PTPRN: variants seen among roughly 807,000 people sequenced by gnomAD.
PTPRN encodes protein tyrosine phosphatase receptor type N.
PTPRN carries 70 observed loss-of-function variants against 108.5 expected under a neutral mutation model. The observed-to-expected ratio is 0.65, with a 90% CI of 0.53 to 0.79. The LOEUF (loss-of-function observed/expected upper bound fraction) is 0.79. Ranked by LOEUF, PTPRN falls within the 30% of genes least tolerant of loss-of-function variation. The pLI, the probability that PTPRN is intolerant of heterozygous loss-of-function variation, is 0.00. For missense variants in PTPRN, 1,136 were observed against 1,295.5 expected, an observed-to-expected ratio of 0.88 and a Z score of 1.89; for synonymous variants, 496 against 524.6, an observed-to-expected ratio of 0.95 and a Z score of 0.75.
intron 4 of PTPRN, 25 bp from the exon 5 acceptor site, chr2:219,302,862 T>G: frequency 6.3e-7 from 1 of 1,599,964 alleles, no homozygotes; most frequent in South Asian, 1.1e-5. Flanking sequence ...AAAGTGTGTG[T>G]GTTGGAGCGG....
Position 219,297,441 on chromosome 2 carries a change from G to A in PTPRN, c.1888-8C>T, listed in dbSNP as rs751029948. ...GTGCTGGCGGCACAGGTCCTGTGGA[G>A]GAAGAATCAGGTGAGGTCCAAGAGT... On this transcript the variant is annotated splice_polypyrimidine_tract_variant and splice_region_variant and intron_variant, in intron 13 of 22. Coordinates refer to ENST00000295718, the MANE Select transcript of PTPRN (RefSeq NM_002846.4). The surrounding 1 kb of genome is among the most constrained non-coding windows in gnomAD (Gnocchi z 6.0). 2 of 1,613,776 alleles carry A rather than the reference G, an allele frequency of 1.2e-6. No homozygotes were observed. Among genetic ancestry groups the A allele is most frequent in the South Asian group, 1.1e-5 (1 of 91,086 alleles).
chr2:219,297,910 T>A lies in PTPRN; in HGVS notation c.1862A>T (p.His621Leu), dbSNP rs1232972212. 5 of 1,611,466 alleles carry A rather than the reference T, an allele frequency of 3.1e-6. No homozygotes were observed. Among genetic ancestry groups the A allele is most frequent in the Non-Finnish European group, 4.2e-6 (5 of 1,179,578 alleles). ...CTGGTACTCAAAGGTAGTGTCACCA[T>A]GGGCCCCCTCAGGCCCCAGGGCTGC... ...RLAALGPEGA[H>L]GDTTFEYQDL... is the part of the protein sequence containing the mutation. The change falls in exon 13 of 23, where the codon CAT becomes CTT. Residue 621 changes from histidine to leucine, a missense_variant. By Grantham distance (99) the His-to-Leu change is moderately conservative (BLOSUM62 -3). Transcript: ENST00000295718. The surrounding 1 kb of genome is among the most constrained non-coding windows in gnomAD (Gnocchi z 6.0).
rs556595255 is a variant in PTPRN, at chr2:219,292,765, C to G, written c.2676-1242G>C. 2.0e-5 allele frequency: 3 copies of G among 152,256 alleles called. No homozygotes were observed. In the South Asian group the frequency reaches 6.2e-4, roughly 32 times the overall value. 9.4% of individuals were successfully genotyped at this position (152,256 alleles called of 1,614,324 possible). ...TGTCAGTCTATGGCCTGTTGGGAAC[C>G]GAGCCGCATAGCAGGAGGCAAGCGA... On this transcript the variant is annotated intron_variant, in intron 19 of 22. Transcript: ENST00000295718.
intron 18 of PTPRN, chr2:219,295,899 C>A (rs534340068): frequency 5.1e-5 from 13 of 255,628 alleles, no homozygotes; most frequent in Non-Finnish European, 9.8e-5. Context: ...CTTCTTACCT[C>A]GGTTTTGGTG....
At position 219,297,862 on chromosome 2, in the gene PTPRN, A is replaced by C. The variant is rs1224154164; in HGVS notation, c.1887+23T>G. The stretch of plus-strand genomic sequence containing the variant: ...CAGGCCCCTTGCATTTCCTTTGCTC[A>C]ATCAGCTTCTGGGGCTGCACACCTG... On this transcript the variant is annotated intron_variant, in intron 13 of 22. Transcript: ENST00000295718. The surrounding 1 kb of genome is among the most constrained non-coding windows in gnomAD (Gnocchi z 6.0). 6.3e-7 allele frequency: 1 copy of C among 1,583,312 alleles called. No homozygotes were observed. The highest frequency in any genetic ancestry group is 1.3e-5 in the African/African-American group (1 of 74,300).
At chr2:219,291,421 G>A in intron 20 of PTPRN, 49 bp downstream of exon 20, 1 of 1,572,068 alleles carries the variant, frequency 6.4e-7, no homozygotes, top group Non-Finnish European at 8.8e-7. Context: ...GTGCACAGGA[G>A]ACGCACACAG....
intron 1 of PTPRN, chr2:219,308,995 G>T: frequency 6.6e-7 from 1 of 1,523,250 alleles, no homozygotes; most frequent in Non-Finnish European, 8.8e-7. Context: ...TTTCCCCAGA[G>T]CCCAATTCTC....
chr2:219,307,776 C>T lies in PTPRN; in HGVS notation c.166+16G>A. 6.2e-7 allele frequency: 1 copy of T among 1,613,670 alleles called. No homozygotes were observed. The highest frequency in any genetic ancestry group is 8.5e-7 in the Non-Finnish European group (1 of 1,179,590). On this transcript the variant is annotated intron_variant, in intron 2 of 22. Transcript: ENST00000295718. ...TCCCCCCGATCTTGTGAGTTCTATGCTTGGGCCTCACTCACCCTGAATACA... is the reference window on the plus strand; with the variant it reads ...TCCCCCCGATCTTGTGAGTTCTATGTTTGGGCCTCACTCACCCTGAATACA...
rs765350345 is a variant in PTPRN at position 219,297,408 on chromosome 2, G to T, written c.1913C>A (p.Thr638Lys). Residue 638 changes from threonine to lysine, a missense_variant, in exon 14 of 23, where the codon ACG becomes AAG. Thr to Lys is a moderately conservative substitution (Grantham distance 78). Transcript: ENST00000295718. The surrounding 1 kb of genome is among the most constrained non-coding windows in gnomAD (Gnocchi z 6.0). ...YQDLCRQHMA[T>K]KSLFNRAEGP... Reference sequence around the variant, plus strand: ...CTCTGCCCGGTTGAACAAGGACTTCGTGGCCATGTGCTGGCGGCACAGGTC... The same window carrying T: ...CTCTGCCCGGTTGAACAAGGACTTCTTGGCCATGTGCTGGCGGCACAGGTC... The T allele has an allele frequency of 6.2e-7, 1 of 1,614,104 alleles. No individual in the cohort carries two copies. The highest frequency in any genetic ancestry group is 8.5e-7 in the Non-Finnish European group (1 of 1,180,026).
chr2:219,301,478 C>G, intron 7 of PTPRN, 110 bp downstream of exon 7: 1 of 1,424,674 alleles, frequency 7.0e-7, no homozygotes, highest in Non-Finnish European at 9.5e-7. Flanking sequence ...AACTCTTTCC[C>G]CTGAAGCCTG....
rs1223593656 is a variant in PTPRN at position 219,297,298 on chromosome 2, T to C, written c.2023A>G (p.Thr675Ala). The C allele has an allele frequency of 1.2e-6, 2 of 1,613,942 alleles. No individual in the cohort carries two copies. Among genetic ancestry groups the C allele is most frequent in the Non-Finnish European group, 1.7e-6 (2 of 1,180,020 alleles). The change falls in exon 14 of 23, where the codon ACC becomes GCC. Residue 675 changes from threonine (T) to alanine (A), a missense_variant. Thr to Ala is a moderately conservative substitution (Grantham distance 58). Coordinates refer to ENST00000295718, the MANE Select transcript of PTPRN (RefSeq NM_002846.4). The surrounding 1 kb of genome is among the most constrained non-coding windows in gnomAD (Gnocchi z 6.0). ...GCCGGCTCCTCGCACCAGGACGGGG[T>C]GCTGCTGTGGGAGCTGGGGCTGGCC... Reference protein sequence around the residue: ...AQASPSSHSSTPSWCEEPAQA... With the variant: ...AQASPSSHSSAPSWCEEPAQA...
chr2:219,301,731 C>T lies in PTPRN; in HGVS notation c.995-12G>A. ...CTGCAGAGCCGCATCTGCTGGGAGC[C>T]AGACACAGAGCTTAGGGCTGATTGC... On this transcript the variant is annotated splice_polypyrimidine_tract_variant and intron_variant, in intron 6 of 22. Transcript: ENST00000295718. 6.2e-7 allele frequency: 1 copy of T among 1,603,914 alleles called. No individual in the cohort carries two copies. Among genetic ancestry groups the T allele is most frequent in the Non-Finnish European group, 8.5e-7 (1 of 1,172,176 alleles).
rs759575018 is a variant in PTPRN, at chr2:219,296,270, G to A, written c.2464C>T (p.Arg822Cys). The A allele has an allele frequency of 1.2e-5, 19 of 1,613,944 alleles. No individual in the cohort carries two copies. The highest frequency in any genetic ancestry group is 1.5e-5 in the Non-Finnish European group (18 of 1,180,032). The change falls in exon 18 of 23, where the codon CGC becomes TGC. Residue 822 changes from arginine to cysteine, a missense_variant. Coordinates refer to ENST00000295718, the MANE Select transcript of PTPRN (RefSeq NM_002846.4). This position sits in a 1 kb window ranked among gnomAD's most constrained non-coding sequence, Gnocchi z 6.0. ...LVEDGVKQCD[R>C]YWPDEGASLY... ...GAGGCACCCTCATCTGGCCAGTAGC[G>A]GTCACACTGCTTGACACCATCCTCC...
At chr2:219,293,159 A>T (rs1033040167) in intron 19 of PTPRN, among the ~76,000 whole-genome samples, 1 of 119,138 alleles carries the variant, frequency 8.4e-6, no homozygotes, top group African/African-American at 3.3e-5. Context: ...GGGCTTGACC[A>T]AACTGCATTT....
intron 10 of PTPRN, 22 bp from the exon 11 acceptor site, chr2:219,299,406 A>G (rs1952284406): frequency 6.2e-7 from 1 of 1,611,572 alleles, no homozygotes; most frequent in East Asian, 2.2e-5. Flanking sequence ...GAGCTATGTT[A>G]CTGCCTTCTC....
intron 12 of PTPRN, 130 bp downstream of exon 12, chr2:219,298,917 A>T: frequency 9.2e-7 from 1 of 1,090,538 alleles, no homozygotes; most frequent in Non-Finnish European, 1.4e-6. Flanking sequence ...TGCTTGGGCG[A>T]AGGCCGCCTC....
At position 219,297,885 on chromosome 2, in the gene PTPRN, C is replaced by T. The variant is rs1267767620; in HGVS notation, c.1887G>A (p.Gln629=). 6.2e-7 allele frequency: 1 copy of T among 1,605,672 alleles called. No homozygotes were observed. The highest frequency in any genetic ancestry group is 8.5e-7 in the Non-Finnish European group (1 of 1,177,128). ...TCAATCAGCTTCTGGGGCTGCACAC[C>T]TGGTACTCAAAGGTAGTGTCACCAT... ...GAHGDTTFEY[Q]DLCRQHMATK... Residue 629 remains glutamine (Q), a splice_region_variant and synonymous_variant, in exon 13 of 23, where the codon CAG becomes CAA. Transcript: ENST00000295718. The surrounding 1 kb of genome is among the most constrained non-coding windows in gnomAD (Gnocchi z 6.0).
chr2:219,307,222 C>T, intron 3 of PTPRN: 1 of 468,344 alleles, frequency 2.1e-6, no homozygotes, highest in Non-Finnish European at 3.8e-6. Flanking sequence ...TGGAAGCTGG[C>T]CTTTTCCAGT....
At chr2:219,303,576 A>T (rs1399235107) in intron 4 of PTPRN, among the ~76,000 whole-genome samples, 159 bp downstream of exon 4, 2 of 152,216 alleles carry the variant, frequency 1.3e-5, no homozygotes, top group East Asian at 1.9e-4. Context: ...CCTCTTGGTC[A>T]TGTGAGCATG....
Sources: gnomAD v4.1 joint callset for allele counts (sites outside exome capture counted in the v4.1 genomes callset) on GRCh38, gnomAD v4.1.1 for gene constraint, Gnocchi (gnomAD v3.1) non-coding constraint, MANE v1.5 for transcripts, NCBI Gene and HGNC (gene_info 2026-07-23, HGNC 2026-07-21) for gene names.